The following ZMIZ1 variants were observed in gnomAD, a reference collection of about 807,000 sequenced individuals.
ZMIZ1 encodes the protein zinc finger MIZ-type containing 1, also known as zinc finger MIZ domain-containing protein 1.
In ZMIZ1, 17 loss-of-function variants were observed where a neutral mutation model predicts 113.9. The ratio of observed to expected loss-of-function variants is 0.15; its 90% CI spans 0.10 to 0.22. ZMIZ1 has a LOEUF of 0.22. Ranked by LOEUF, ZMIZ1 falls within the 10% of genes least tolerant of loss-of-function variation. The pLI, the probability that ZMIZ1 is intolerant of heterozygous loss-of-function variation, is 1.00. For missense variants in ZMIZ1, 1,059 were observed against 1,477.8 expected (o/e 0.72, Z 4.65); for synonymous variants, 607 against 603.1 (o/e 1.01, Z -0.09).
intron 5 of ZMIZ1, among the ~76,000 whole-genome samples, chr10:79,203,248 G>A (rs771850638): frequency 2.6e-5 from 4 of 152,200 alleles, no homozygotes; most frequent in Admixed American, 1.3e-4. Flanking sequence ...CCTCGAGAAC[G>A]AGGGTTGTGT....
At chr10:79,272,229 T>A (rs1194250016) in intron 7 of ZMIZ1, among the ~76,000 whole-genome samples, 2 of 151,950 alleles carry the variant, frequency 1.3e-5, no homozygotes, top group African/African-American at 4.8e-5. Context: ...GATGTTGCAG[T>A]GAGCCAAGAT....
chr10:79,233,374 G>A (rs1467157837), intron 7 of ZMIZ1, among the ~76,000 whole-genome samples: 1 of 152,240 alleles, frequency 6.6e-6, no homozygotes, highest in Non-Finnish European at 1.5e-5. Context: ...GGCAAGATCA[G>A]GCTCTGGCAG....
At chr10:79,075,124 C>T (rs1842426314) in intron 1 of ZMIZ1, among the ~76,000 whole-genome samples, 1 of 152,078 alleles carries the variant, frequency 6.6e-6, no homozygotes, top group Admixed American at 6.5e-5. Flanking sequence ...CCCTAGACAG[C>T]CAGCTGAGGG....
chr10:79,262,970 C>T (rs983999683), intron 7 of ZMIZ1, among the ~76,000 whole-genome samples: 1 of 152,234 alleles, frequency 6.6e-6, no homozygotes, highest in African/African-American at 2.4e-5. Flanking sequence ...GAAGTCAAGA[C>T]GTAGAAACAT....
At chr10:79,214,883 G>A (rs1341707827) in intron 6 of ZMIZ1, among the ~76,000 whole-genome samples, 2 of 152,206 alleles carry the variant, frequency 1.3e-5, no homozygotes, top group African/African-American at 4.8e-5. Context: ...GGGAGTCATG[G>A]GACACCTGGG....
chr10:79,152,872 C>A (rs1478327840), intron 3 of ZMIZ1, among the ~76,000 whole-genome samples: 1 of 152,264 alleles, frequency 6.6e-6, no homozygotes, highest in Non-Finnish European at 1.5e-5. Context: ...CCCATTCATT[C>A]TTCCAGAAAA....
intron 8 of ZMIZ1, among the ~76,000 whole-genome samples, chr10:79,286,984 G>T (rs897743365): frequency 6.6e-6 from 1 of 152,214 alleles, no homozygotes; most frequent in Non-Finnish European, 1.5e-5. Context: ...CAGAAGTTCT[G>T]GGGCGAGAAG....
chr10:79,190,045 C>A (rs1847533785), intron 4 of ZMIZ1, among the ~76,000 whole-genome samples: 1 of 152,210 alleles, frequency 6.6e-6, no homozygotes, highest in African/African-American at 2.4e-5. Flanking sequence ...CCAGCTCCCA[C>A]CCCCGGATCT....
At chr10:79,274,407 G>A (rs370789509) in intron 7 of ZMIZ1, among the ~76,000 whole-genome samples, 2 of 152,150 alleles carry the variant, frequency 1.3e-5, no homozygotes, top group Non-Finnish European at 2.9e-5. Context: ...CCAGACACCC[G>A]CCCAGCTGGT....
chr10:79,225,783 G>A (rs1849175563), intron 7 of ZMIZ1, among the ~76,000 whole-genome samples: 1 of 152,128 alleles, frequency 6.6e-6, no homozygotes, highest in Non-Finnish European at 1.5e-5. Context: ...ACTTGAGGGT[G>A]CCCTAGTTAA....
intron 3 of ZMIZ1, among the ~76,000 whole-genome samples, chr10:79,146,049 C>T (rs943652397): frequency 3.9e-5 from 6 of 152,188 alleles, no homozygotes; most frequent in Non-Finnish European, 8.8e-5. Flanking sequence ...CCATGCCTTT[C>T]ATTTTTTGCG....
intron 7 of ZMIZ1, among the ~76,000 whole-genome samples, chr10:79,228,638 C>T (rs566278546): frequency 9.2e-5 from 14 of 152,372 alleles, no homozygotes; most frequent in Admixed American, 4.6e-4. Flanking sequence ...AGCAAGGGCT[C>T]GGAGGTGAGG....
intron 7 of ZMIZ1, among the ~76,000 whole-genome samples, chr10:79,244,974 C>A (rs908520515): frequency 6.6e-6 from 1 of 152,196 alleles, no homozygotes. Context: ...TCCTAACAAG[C>A]CTTTCCCCTT....
intron 1 of ZMIZ1, among the ~76,000 whole-genome samples, chr10:79,106,567 A>C (rs746314483): frequency 2.1e-4 from 32 of 152,240 alleles, no homozygotes; most frequent in Non-Finnish European, 3.4e-4. Context: ...GATTGAGCCC[A>C]GAAGCTCCTA....
intron 7 of ZMIZ1, among the ~76,000 whole-genome samples, chr10:79,230,212 C>T (rs1389198524): frequency 5.9e-5 from 9 of 151,942 alleles, no homozygotes; most frequent in Non-Finnish European, 1.3e-4. Context: ...CTTTCTCCTC[C>T]TTTCCCTCTC....
At chr10:79,291,618 TCC>T (rs2132030834) in intron 10 of ZMIZ1, among the ~76,000 whole-genome samples, 1 of 152,098 alleles carries the variant, frequency 6.6e-6, no homozygotes, top group Non-Finnish European at 1.5e-5. Context: ...AGACTGCGAG[TCC>T]CTTGGCTGGG....
At position 79,165,948 on chromosome 10, in the gene ZMIZ1, CTGTGTGTGTGTGTGTGTG is replaced by C. The variant is rs1174980856; in HGVS notation, c.-50+3852_-50+3869del. On this transcript the variant is annotated intron_variant, in intron 4 of 24. Coordinates refer to ENST00000334512, the MANE Select transcript of ZMIZ1 (RefSeq NM_020338.4). ...CCTTGGCCTCCAAGCCCCAGCTCAG[CTGTGTGTGTGTGTGTGTG>C]TGTGTGTGTGTGTGTGTGTGTGTGT... Among the ~76,000 whole-genome samples the C allele has an allele frequency of 1.7e-3, 103 of 59,798 alleles. 1 individual carries two copies. The highest frequency in any genetic ancestry group is 5.9e-3 in the South Asian group (13 of 2,198). 39.2% of individuals were successfully genotyped at this position (59,798 alleles called of 152,430 possible).
intron 2 of ZMIZ1, among the ~76,000 whole-genome samples, chr10:79,124,985 G>A (rs541572560): frequency 4.4e-4 from 67 of 152,248 alleles, no homozygotes; most frequent in African/African-American, 1.5e-3. Context: ...CTAGGGCAAG[G>A]GTGAGGTGTG....
At chr10:79,129,313 G>A (rs1844652509) in intron 2 of ZMIZ1, among the ~76,000 whole-genome samples, 1 of 152,154 alleles carries the variant, frequency 6.6e-6, no homozygotes, top group South Asian at 2.1e-4. Context: ...GACCGTCCTG[G>A]TTTTAGCATG....
Sources: gnomAD v4.1 joint callset for allele counts (sites outside exome capture counted in the v4.1 genomes callset) on GRCh38, gnomAD v4.1.1 for gene constraint, MANE v1.5 for transcripts, NCBI Gene and HGNC (gene_info 2026-07-23, HGNC 2026-07-21) for gene names.